SCHIP1: variants seen among roughly 807,000 people sequenced by gnomAD.
SCHIP1 encodes schwannomin-interacting protein 1.
Under a neutral mutation model 29.7 loss-of-function variants are expected in SCHIP1, and 8 were observed. The observed-to-expected ratio is 0.27, with a 90% CI of 0.16 to 0.49. SCHIP1 has a LOEUF of 0.49. Ranked by LOEUF, SCHIP1 falls within the 20% of genes least tolerant of loss-of-function variation. The pLI, the probability that SCHIP1 is intolerant of heterozygous loss-of-function variation, is 0.99. For missense variants in SCHIP1, 193 were observed against 294.6 expected (o/e 0.66, Z 2.52); for synonymous variants, 76 against 94.9 (o/e 0.80, Z 1.16).
intron 2 of SCHIP1, among the ~76,000 whole-genome samples, chr3:159,868,842 G>T (rs781775445): frequency 3.9e-4 from 59 of 152,122 alleles, no homozygotes; most frequent in Non-Finnish European, 6.3e-4. Context: ...GAAAATACAT[G>T]ATTGTTTACA....
chr3:159,860,124 G>C (rs866221083), intron 1 of SCHIP1, among the ~76,000 whole-genome samples: 1 of 152,090 alleles, frequency 6.6e-6, no homozygotes, highest in South Asian at 2.1e-4. Flanking sequence ...GGGCCACGGG[G>C]GACCAGTGTA....
intron 3 of SCHIP1, 77 bp downstream of exon 4, chr3:159,886,401 A>G (rs1716964902): frequency 7.6e-7 from 1 of 1,308,670 alleles, no homozygotes; most frequent in Admixed American, 1.9e-5. Context: ...TTGTAAGGTG[A>G]ATCAGGAACA....
the SCHIP1 span, among the ~76,000 whole-genome samples, chr3:159,776,332 C>CTTTTTTTTTTTTTTTT: frequency 7.4e-6 from 1 of 135,424 alleles, no homozygotes; most frequent in Admixed American, 7.3e-5. Context: ...AGTGTTCTGT[C>CTTTTTTTTTTTTTTTT]TTTTTTTTTT....
chr3:159,349,730 C>A, the SCHIP1 span, among the ~76,000 whole-genome samples: 1 of 152,192 alleles, frequency 6.6e-6, no homozygotes, highest in African/African-American at 2.4e-5. Context: ...TGGATGGTAT[C>A]TCGGTTCATC....
chr3:159,820,866 AT>A, the SCHIP1 span, among the ~76,000 whole-genome samples: 1 of 152,204 alleles, frequency 6.6e-6, no homozygotes, highest in Non-Finnish European at 1.5e-5. Flanking sequence ...TAATCCTTGG[AT>A]ATTGTGTAGT....
At chr3:159,396,951 G>T in the SCHIP1 span, among the ~76,000 whole-genome samples, 1 of 144,430 alleles carries the variant, frequency 6.9e-6, no homozygotes, top group East Asian at 2.1e-4. Flanking sequence ...ATCACTTTCA[G>T]GTACAGCAAT....
the SCHIP1 span, among the ~76,000 whole-genome samples, chr3:159,371,395 T>A: frequency 6.6e-6 from 1 of 152,174 alleles, no homozygotes; most frequent in African/African-American, 2.4e-5. Context: ...CTAACTCTTC[T>A]ACAGAAGGGA....
the SCHIP1 span, among the ~76,000 whole-genome samples, chr3:159,755,245 A>G: frequency 6.6e-6 from 1 of 152,090 alleles, no homozygotes; most frequent in African/African-American, 2.4e-5. Flanking sequence ...AAAAAAAAAG[A>G]AAGAAAGAAA....
the SCHIP1 span, among the ~76,000 whole-genome samples, chr3:159,335,009 C>T: frequency 2.0e-5 from 3 of 151,824 alleles, no homozygotes; most frequent in Non-Finnish European, 4.4e-5. Flanking sequence ...AGGCAATTCT[C>T]CTGCCTCAGC....
the SCHIP1 span, chr3:159,764,130 G>A: frequency 3.3e-6 from 1 of 303,530 alleles, no homozygotes; most frequent in Non-Finnish European, 6.1e-6. This position sits in a 1 kb window ranked among gnomAD's most constrained non-coding sequence, Gnocchi z 6.1. Flanking sequence ...CGCGCCTGGC[G>A]CAAAATGGTT....
the SCHIP1 span, among the ~76,000 whole-genome samples, chr3:159,601,799 G>T: frequency 6.6e-6 from 1 of 152,330 alleles, no homozygotes; most frequent in East Asian, 1.9e-4. Context: ...AGAGTACTGG[G>T]GACTTTGCAG....
chr3:159,423,654 A>G, the SCHIP1 span, among the ~76,000 whole-genome samples: 1 of 152,204 alleles, frequency 6.6e-6, no homozygotes, highest in Non-Finnish European at 1.5e-5. Context: ...AAAAGACAGC[A>G]GTAACCTCCG....
At chr3:159,652,694 T>G in the SCHIP1 span, among the ~76,000 whole-genome samples, 26 of 152,136 alleles carry the variant, frequency 1.7e-4, no homozygotes, top group African/African-American at 6.3e-4. Flanking sequence ...AAATGACATC[T>G]GAGCTGAAAC....
the SCHIP1 span, among the ~76,000 whole-genome samples, chr3:159,358,655 A>ACTT: frequency 6.6e-6 from 1 of 152,212 alleles, no homozygotes; most frequent in African/African-American, 2.4e-5. Context: ...TCAACCAAAG[A>ACTT]CTTTGGAGAG....
the SCHIP1 span, among the ~76,000 whole-genome samples, chr3:159,569,981 C>A: frequency 6.6e-6 from 1 of 152,140 alleles, no homozygotes; most frequent in African/African-American, 2.4e-5. Flanking sequence ...TGAGAAGTGT[C>A]TGTTCATATC....
chr3:159,838,589 T>C (rs1208789692), upstream of SCHIP1, among the ~76,000 whole-genome samples: 2 of 152,154 alleles, frequency 1.3e-5, no homozygotes, highest in East Asian at 3.8e-4. Flanking sequence ...CTCAGAGCTA[T>C]TTTATTAAGA....
At chr3:159,763,862 A>C in the SCHIP1 span, 1 of 151,618 alleles carries the variant, frequency 6.6e-6, no homozygotes, top group Non-Finnish European at 1.5e-5. Flanking sequence ...CGGGAGTGAG[A>C]CCTCCGACTG....
the SCHIP1 span, among the ~76,000 whole-genome samples, chr3:159,567,390 A>C: frequency 6.6e-6 from 1 of 152,234 alleles, no homozygotes; most frequent in Middle Eastern, 3.4e-3. Context: ...TTTCTTGAGA[A>C]ATACTTCCTT....
chr3:159,543,618 T>G, the SCHIP1 span, among the ~76,000 whole-genome samples: 1 of 151,778 alleles, frequency 6.6e-6, no homozygotes, highest in Non-Finnish European at 1.5e-5. Flanking sequence ...AGTCTATCAT[T>G]GTTGGACATT....
Sources: allele counts gnomAD v4.1 joint callset (sites outside exome capture counted in the v4.1 genomes callset), GRCh38; gene constraint gnomAD v4.1.1; non-coding constraint Gnocchi (gnomAD v3.1); transcripts MANE v1.5; gene names NCBI Gene and HGNC (gene_info 2026-07-23, HGNC 2026-07-21).